Variants in AFG2A observed in about 807,000 individuals in gnomAD.
AFG2A encodes the protein ATPase family gene 2 protein homolog A.
At chr4:122,947,603 A>G in the AFG2A span, 11 of 1,264,554 alleles carry the variant, frequency 8.7e-6, no homozygotes, top group Non-Finnish European at 1.1e-5. Flanking sequence ...GTTTCTAATT[A>G]TAAAATGTGT....
At chr4:122,990,469 A>T in the AFG2A span, among the ~76,000 whole-genome samples, 2 of 152,228 alleles carry the variant, frequency 1.3e-5, no homozygotes, top group Non-Finnish European at 2.9e-5. Flanking sequence ...TCTCTTGGTC[A>T]TTAACTAATG....
the AFG2A span, among the ~76,000 whole-genome samples, chr4:123,205,710 G>T: frequency 6.6e-5 from 10 of 152,200 alleles, no homozygotes; most frequent in Non-Finnish European, 1.5e-5. Context: ...CCAATCCTCT[G>T]CAGATACCAA....
the AFG2A span, among the ~76,000 whole-genome samples, chr4:123,108,723 A>G: frequency 6.6e-6 from 1 of 152,168 alleles, no homozygotes. Flanking sequence ...AGTATAGTAT[A>G]TTCTATCTAA....
the AFG2A span, among the ~76,000 whole-genome samples, chr4:122,952,039 G>C: frequency 6.6e-6 from 1 of 152,186 alleles, no homozygotes; most frequent in Non-Finnish European, 1.5e-5. Context: ...CCAGACTTCA[G>C]TTTCTGGAAG....
chr4:123,009,353 AG>A, the AFG2A span, among the ~76,000 whole-genome samples: 1 of 152,214 alleles, frequency 6.6e-6, no homozygotes, highest in African/African-American at 2.4e-5. Context: ...AGTACTTCCC[AG>A]GGCAAAAGCA....
At chr4:123,032,233 A>T in the AFG2A span, among the ~76,000 whole-genome samples, 1 of 152,172 alleles carries the variant, frequency 6.6e-6, no homozygotes, top group Non-Finnish European at 1.5e-5. Context: ...GAATTGTATA[A>T]AATAGATTTC....
the AFG2A span, among the ~76,000 whole-genome samples, chr4:123,099,587 A>T: frequency 1.3e-5 from 2 of 151,730 alleles, no homozygotes; most frequent in Admixed American, 6.6e-5. Context: ...CTGAAGATAC[A>T]TTATAAGTCG....
the AFG2A span, among the ~76,000 whole-genome samples, chr4:123,299,564 A>G: frequency 0.015 from 2,223 of 152,310 alleles, 48 homozygotes; most frequent in African/African-American, 0.052. Context: ...TTTCCATTGT[A>G]TCATAATCCC....
the AFG2A span, chr4:123,090,739 C>A: frequency 6.3e-7 from 1 of 1,592,724 alleles, no homozygotes; most frequent in South Asian, 1.2e-5. Context: ...ATTATAAAAT[C>A]AAGAACTGGC....
chr4:123,269,813 T>C, the AFG2A span, among the ~76,000 whole-genome samples: 9 of 152,172 alleles, frequency 5.9e-5, no homozygotes, highest in Non-Finnish European at 1.0e-4. Context: ...TGTTCAAAGA[T>C]GTATAGTTTG....
At chr4:123,171,016 GAGTA>G in the AFG2A span, among the ~76,000 whole-genome samples, 4 of 152,014 alleles carry the variant, frequency 2.6e-5, no homozygotes, top group African/African-American at 9.7e-5. Context: ...GTTACTTAGT[GAGTA>G]AGTATTAGCT....
chr4:122,948,276 T>TG, the AFG2A span, among the ~76,000 whole-genome samples: 1 of 151,954 alleles, frequency 6.6e-6, no homozygotes, highest in African/African-American at 2.4e-5. Context: ...GCAAGTACTA[T>TG]GCCATTAACG....
chr4:123,017,614 T>C, the AFG2A span, among the ~76,000 whole-genome samples: 5 of 152,084 alleles, frequency 3.3e-5, no homozygotes, highest in South Asian at 2.1e-4. Context: ...ACCTTTTTTT[T>C]CCTGCAATAT....
the AFG2A span, among the ~76,000 whole-genome samples, chr4:123,255,017 G>A: frequency 5.7e-4 from 86 of 152,152 alleles, no homozygotes; most frequent in Middle Eastern, 0.014. Context: ...AGACTGGAGT[G>A]CAGTAGTGCT....
the AFG2A span, among the ~76,000 whole-genome samples, chr4:123,187,157 T>C: frequency 2.0e-5 from 3 of 152,190 alleles, no homozygotes; most frequent in African/African-American, 7.2e-5. Flanking sequence ...AAATAACCAC[T>C]AAAGGGAGAA....
the AFG2A span, among the ~76,000 whole-genome samples, chr4:123,159,503 C>G: frequency 6.6e-6 from 1 of 152,150 alleles, no homozygotes; most frequent in Non-Finnish European, 1.5e-5. Flanking sequence ...TGCATTGTCT[C>G]TGATTTCTGC....
the AFG2A span, among the ~76,000 whole-genome samples, chr4:123,030,244 T>A: frequency 6.6e-6 from 1 of 152,228 alleles, no homozygotes; most frequent in Non-Finnish European, 1.5e-5. Context: ...ACTTATTTTC[T>A]TACAAACTAG....
chr4:123,004,672 A>G, the AFG2A span, among the ~76,000 whole-genome samples: 1 of 152,154 alleles, frequency 6.6e-6, no homozygotes, highest in Non-Finnish European at 1.5e-5. Context: ...CATGAGAAAT[A>G]TTGTTCTGTA....
At chr4:123,066,029 A>C in the AFG2A span, among the ~76,000 whole-genome samples, 1 of 152,190 alleles carries the variant, frequency 6.6e-6, no homozygotes, top group Admixed American at 6.5e-5. Context: ...GCACTAGAGA[A>C]TCTATATTAA....
Sources: gnomAD v4.1 joint callset for allele counts (sites outside exome capture counted in the v4.1 genomes callset) on GRCh38, gnomAD v4.1.1 for gene constraint, MANE v1.5 for transcripts, NCBI Gene and HGNC (gene_info 2026-07-23, HGNC 2026-07-21) for gene names.